The following GDI2 variants were observed in gnomAD, a reference collection of about 807,000 sequenced individuals.
GDI2 encodes the protein GDP dissociation inhibitor 2.
GDI2 carries 22 observed loss-of-function variants against 54.2 expected under a neutral mutation model. The observed-to-expected ratio is 0.41, with a 90% CI of 0.29 to 0.58. The LOEUF (loss-of-function observed/expected upper bound fraction) is 0.58. Among genes scored for constraint, GDI2 ranks in the 20% least tolerant of loss-of-function variants. GDI2 has a pLI of 0.35. For synonymous variants in GDI2, 177 were observed against 182.1 expected (o/e 0.97, Z 0.23); for missense variants, 422 against 546.0 (o/e 0.77, Z 2.26).
rs555460461 is a variant in GDI2 at position 5,772,188 on chromosome 10, T to G, written c.819+1654A>C. ...CTTCCAGTGGAACACGATGTGGAGA[T>G]GGAAGACAGTGATACTGATGACCCC... On this transcript the variant is annotated intron_variant, in intron 7 of 10. Transcript: ENST00000380191. Among the ~76,000 whole-genome samples, 115 of 152,298 alleles carry G rather than the reference T, an allele frequency of 7.6e-4. 1 individual carries two copies. Among genetic ancestry groups the G allele is most frequent in the African/African-American group, 2.7e-3 (112 of 41,568 alleles).
chr10:5,812,731 T>C (rs1035497373), intron 1 of GDI2, among the ~76,000 whole-genome samples: 21 of 152,166 alleles, frequency 1.4e-4, no homozygotes, highest in Non-Finnish European at 2.5e-4. Context: ...ATCCAAGACT[T>C]GTCAGGAAAC....
At chr10:5,799,163 G>A (rs1234528997) in intron 2 of GDI2, among the ~76,000 whole-genome samples, 2 of 151,550 alleles carry the variant, frequency 1.3e-5, no homozygotes, top group Admixed American at 1.3e-4. Flanking sequence ...GCAACACAGA[G>A]AGACCCCATC....
chr10:5,787,248 T>A (rs897790139), intron 4 of GDI2, among the ~76,000 whole-genome samples: 2 of 152,254 alleles, frequency 1.3e-5, no homozygotes, highest in Admixed American at 6.5e-5. Context: ...CTCACGCCTA[T>A]AATCCCAGCA....
intron 4 of GDI2, among the ~76,000 whole-genome samples, chr10:5,789,940 T>C (rs1043960203): frequency 6.6e-6 from 1 of 152,216 alleles, no homozygotes; most frequent in Non-Finnish European, 1.5e-5. Context: ...GTGACAATAA[T>C]CATCTCTGCA....
chr10:5,788,096 A>T (rs993651481), intron 4 of GDI2, among the ~76,000 whole-genome samples: 1 of 152,192 alleles, frequency 6.6e-6, no homozygotes, highest in African/African-American at 2.4e-5. Flanking sequence ...TGAGAACCAG[A>T]TATAATTGTA....
intron 6 of GDI2, 142 bp downstream of exon 6, chr10:5,785,000 T>C: frequency 1.9e-6 from 1 of 516,080 alleles, no homozygotes; most frequent in Non-Finnish European, 3.3e-6. Flanking sequence ...TATCATTATA[T>C]GTTAATTTTA....
In GDI2 at chr10:5,776,408, G is replaced by T; in HGVS notation, c.720-2467C>A. On this transcript the variant is annotated intron_variant, in intron 6 of 10. Coordinates refer to ENST00000380191, the MANE Select transcript of GDI2 (RefSeq NM_001494.4). The surrounding 1 kb of genome is among the most constrained non-coding windows in gnomAD (Gnocchi z 5.3). ...CTTTCACAGAGAAATGCCTGCCTGA[G>T]ATTCAAGGGATCTTTGACAGGGATC... The T allele has an allele frequency of 2.6e-6, 2 of 773,952 alleles. No homozygotes were observed. The highest frequency in any genetic ancestry group is 5.0e-5 in the East Asian group (2 of 40,264). 47.9% of individuals were successfully genotyped at this position (773,952 alleles called of 1,614,324 possible).
rs2497 is a variant in GDI2 at position 5,765,645 on chromosome 10, A to G, written c.*361T>C. On this transcript the variant is annotated 3_prime_UTR_variant, in exon 11 of 11. Transcript: ENST00000380191. ...CTCCTGAACCTCAAGAGGACAGATG[A>G]CACACAACCTGTATGGATCCAGCTC... The G allele has an allele frequency of 0.35, 58,537 of 168,756 alleles. 10,595 individuals are homozygous for G. The highest frequency in any genetic ancestry group is 0.38 in the Non-Finnish European group (30,608 of 80,034). The allele number at this position is 168,756 out of a possible 1,614,324, so 10.5% of individuals were successfully genotyped here.
In GDI2 at chr10:5,811,918, T is replaced by C. The variant is rs1277679730; in HGVS notation, c.45+1296A>G. The C allele has an allele frequency of 2.5e-6, 3 of 1,189,070 alleles. No individual in the cohort carries two copies. The South Asian group carries it at 4.1e-5, about 16-fold the overall frequency. The allele number at this position is 1,189,070 out of a possible 1,614,324, so 73.7% of individuals were successfully genotyped here. On this transcript the variant is annotated intron_variant, in intron 1 of 10. Coordinates refer to ENST00000380191, the MANE Select transcript of GDI2 (RefSeq NM_001494.4). ...AAATAAAAGTTCGAAGGTTTTCTCT[T>C]GCCTAGAGACATCTAAAAGTGTTAT...
At chr10:5,780,624 C>T (rs866350433) in intron 6 of GDI2, among the ~76,000 whole-genome samples, 2 of 152,310 alleles carry the variant, frequency 1.3e-5, no homozygotes, top group Middle Eastern at 3.4e-3. Flanking sequence ...CAGCAGCAAA[C>T]AATTTCAACA....
chr10:5,772,138 C>T (rs1840503898), intron 7 of GDI2, among the ~76,000 whole-genome samples: 1 of 151,998 alleles, frequency 6.6e-6, no homozygotes, highest in African/African-American at 2.4e-5. Context: ...AAAGTACAAG[C>T]AGTGTTACTG....
At chr10:5,803,373 G>A (rs768987177) in intron 1 of GDI2, among the ~76,000 whole-genome samples, 82 of 152,112 alleles carry the variant, frequency 5.4e-4, no homozygotes, top group Non-Finnish European at 1.0e-3. Flanking sequence ...GCAGTGAGCC[G>A]TGATAAGGCC....
At chr10:5,797,313 G>A (rs545848547) in intron 2 of GDI2, among the ~76,000 whole-genome samples, 14 of 152,142 alleles carry the variant, frequency 9.2e-5, no homozygotes, top group Non-Finnish European at 1.9e-4. Flanking sequence ...TTGGGAGGCC[G>A]AGGCGGGTGG....
Position 5,766,624 on chromosome 10 carries a change from T to C in GDI2, c.1006A>G (p.Met336Val). Reference protein sequence around the residue: ...VNRKSDIYVCMISFAHNVAAQ... With the variant: ...VNRKSDIYVCVISFAHNVAAQ... ...GCTACATTGTGCGCAAAGGAGATCATGCAGACGTAGATATCTAGAAACAAA... is the reference window on the plus strand; with the variant it reads ...GCTACATTGTGCGCAAAGGAGATCACGCAGACGTAGATATCTAGAAACAAA... The change falls in exon 9 of 11, where the codon ATG becomes GTG. Residue 336 changes from methionine to valine, a missense_variant. Met to Val is a conservative substitution (Grantham distance 21). Coordinates refer to ENST00000380191, the MANE Select transcript of GDI2 (RefSeq NM_001494.4). This position sits in a 1 kb window ranked among gnomAD's most constrained non-coding sequence, Gnocchi z 5.8. 26 of 1,613,732 alleles carry C rather than the reference T, an allele frequency of 1.6e-5. No homozygotes were observed. Among genetic ancestry groups the C allele is most frequent in the Non-Finnish European group, 2.1e-5 (25 of 1,179,616 alleles).
chr10:5,778,191 G>C (rs1840669353), intron 6 of GDI2, among the ~76,000 whole-genome samples: 1 of 152,122 alleles, frequency 6.6e-6, no homozygotes, highest in Non-Finnish European at 1.5e-5. Context: ...ATGATGGGTT[G>C]ATGAGCACAG....
rs528153539 is a variant in GDI2 at position 5,804,937 on chromosome 10, G to A, written c.46-4232C>T. Among the ~76,000 whole-genome samples the A allele has an allele frequency of 2.6e-5, 4 of 151,744 alleles. No homozygotes were observed. In the East Asian group the frequency reaches 5.9e-4, roughly 22 times the overall value. ...CAACCTCTGCCTCCTGGGTTCAAGC[G>A]ATTCTCCTGCCTCGGCCTCCCAAGT... On this transcript the variant is annotated intron_variant, in intron 1 of 10. Transcript: ENST00000380191.
intron 1 of GDI2, among the ~76,000 whole-genome samples, chr10:5,807,747 TACTG>T (rs1217221400): frequency 6.6e-6 from 1 of 152,238 alleles, no homozygotes; most frequent in Admixed American, 6.5e-5. Flanking sequence ...CCATCAGCGA[TACTG>T]ACGTTCTCTT....
chr10:5,811,647 A>G (rs2131727038), intron 1 of GDI2, among the ~76,000 whole-genome samples: 1 of 132,828 alleles, frequency 7.5e-6, no homozygotes, highest in South Asian at 2.6e-4. Context: ...TGGAATCCCA[A>G]TTAGGCACTT....
intron 1 of GDI2, among the ~76,000 whole-genome samples, chr10:5,812,343 A>G (rs1163874295): frequency 6.6e-6 from 1 of 152,206 alleles, no homozygotes; most frequent in Non-Finnish European, 1.5e-5. Flanking sequence ...TTGCATTCAT[A>G]TATTACAATG....
Sources: gnomAD v4.1 joint callset for allele counts (sites outside exome capture counted in the v4.1 genomes callset) on GRCh38, gnomAD v4.1.1 for gene constraint, Gnocchi (gnomAD v3.1) non-coding constraint, MANE v1.5 for transcripts, NCBI Gene and HGNC (gene_info 2026-07-23, HGNC 2026-07-21) for gene names.